CST7: variants seen among roughly 807,000 people sequenced by gnomAD.
The protein encoded by CST7 is cystatin-F.
Under a neutral mutation model 13.1 loss-of-function variants are expected in CST7, and 15 were observed. That is an observed-to-expected ratio of 1.14 (90% CI 0.77 to 1.76). The LOEUF (loss-of-function observed/expected upper bound fraction) is 1.76. Ranked by LOEUF, CST7 falls within the 40% of genes most tolerant of loss-of-function variation. The pLI is 0.00. For missense variants in CST7, 193 were observed against 178.8 expected, an observed-to-expected ratio of 1.08 and a Z score of -0.45; for synonymous variants, 75 against 66.9, an observed-to-expected ratio of 1.12 and a Z score of -0.59.
chr20:24,952,193 T>C (rs748176415), intron 1 of CST7, among the ~76,000 whole-genome samples: 2 of 152,254 alleles, frequency 1.3e-5, no homozygotes, highest in Non-Finnish European at 2.9e-5. Flanking sequence ...CATCATTTAT[T>C]GACAAGTGCT....
chr20:24,949,895 G>A (rs76897221), intron 1 of CST7, among the ~76,000 whole-genome samples: 2,844 of 152,320 alleles, frequency 0.019, 38 homozygotes, highest in Non-Finnish European at 0.025. Flanking sequence ...GCTCCTCTGC[G>A]GGACGGAGGC....
intron 3 of CST7, among the ~76,000 whole-genome samples, chr20:24,959,255 C>T (rs770978676): frequency 6.6e-6 from 1 of 152,172 alleles, no homozygotes; most frequent in Non-Finnish European, 1.5e-5. Flanking sequence ...GACATCCTCC[C>T]GTCCCAGAGG....
rs368099459 is a variant in CST7, at chr20:24,949,556, C to T, written c.51C>T (p.Thr17=). Reference sequence around the variant, plus strand: ...CCTTCTGCTGCCTGGTCTTGAGCACCACTGGGGGCCCTTCCCCAGGTAAGT... The same window carrying T: ...CCTTCTGCTGCCTGGTCTTGAGCACTACTGGGGGCCCTTCCCCAGGTAAGT... ...LLAFCCLVLS[T]TGGPSPDTCS... The change falls in exon 1 of 4, where the codon ACC becomes ACT. Residue 17 remains threonine (T), a synonymous_variant. Coordinates refer to ENST00000480798, the MANE Select transcript of CST7 (RefSeq NM_003650.4). 4.0e-5 allele frequency: 65 copies of T among 1,614,016 alleles called. No individual in the cohort carries two copies. Among genetic ancestry groups the T allele is most frequent in the East Asian group, 1.6e-4 (7 of 44,894 alleles).
chr20:24,959,025 C>T lies in CST7; in HGVS notation c.341C>T (p.Thr114Ile). 3 of 1,613,758 alleles carry T rather than the reference C, an allele frequency of 1.9e-6. No homozygotes were observed. Among genetic ancestry groups the T allele is most frequent in the East Asian group, 2.2e-5 (1 of 44,880 alleles). ...CGTCTGGATGACTGTGACTTCCAAA[C>T]CAACCACACCTTGAAGCAGGTAAAG... ...HLRLDDCDFQTNHTLKQTLSC... is the reference protein window; with the variant it reads ...HLRLDDCDFQINHTLKQTLSC... The change falls in exon 3 of 4, where the codon ACC becomes ATC. Residue 114 changes from threonine to isoleucine, a missense_variant. Thr to Ile is a moderately conservative substitution (Grantham distance 89, BLOSUM62 -1). Coordinates refer to ENST00000480798, the MANE Select transcript of CST7 (RefSeq NM_003650.4).
intron 1 of CST7, among the ~76,000 whole-genome samples, chr20:24,956,141 C>T (rs1317144147): frequency 6.6e-6 from 1 of 152,226 alleles, no homozygotes; most frequent in East Asian, 1.9e-4. Flanking sequence ...CGCTGCACCA[C>T]CCAGCCTGGG....
intron 1 of CST7, among the ~76,000 whole-genome samples, chr20:24,956,497 G>C (rs2087855311): frequency 6.6e-6 from 1 of 152,204 alleles, no homozygotes; most frequent in South Asian, 2.1e-4. Context: ...CCCCGATGCT[G>C]CTTCCCCATC....
chr20:24,955,662 G>T (rs947539963), intron 1 of CST7, among the ~76,000 whole-genome samples: 1 of 152,150 alleles, frequency 6.6e-6, no homozygotes, highest in Admixed American at 6.5e-5. Flanking sequence ...TGTTTGCCAG[G>T]ATGGCCTCGA....
chr20:24,954,773 T>C (rs569034859), intron 1 of CST7, among the ~76,000 whole-genome samples: 1 of 152,336 alleles, frequency 6.6e-6, no homozygotes, highest in South Asian at 2.1e-4. Flanking sequence ...GGAAATTTAT[T>C]TGAAGTTCAG....
At chr20:24,951,200 A>G (rs933221697) in intron 1 of CST7, among the ~76,000 whole-genome samples, 3 of 152,166 alleles carry the variant, frequency 2.0e-5, no homozygotes, top group African/African-American at 7.2e-5. Flanking sequence ...GCCCACGTTC[A>G]CACACACAGA....
At chr20:24,950,440 C>T (rs1240365297) in intron 1 of CST7, among the ~76,000 whole-genome samples, 3 of 152,234 alleles carry the variant, frequency 2.0e-5, no homozygotes, top group African/African-American at 7.2e-5. Context: ...AGGGTTCTCA[C>T]CTCCTCCTGG....
At position 24,957,463 on chromosome 20, in the gene CST7, A is replaced by G. The variant is rs376901152; in HGVS notation, c.243+4A>G. 67 of 1,612,952 alleles carry G rather than the reference A, an allele frequency of 4.2e-5. No homozygotes were observed. Among genetic ancestry groups the G allele is most frequent in the Non-Finnish European group, 5.3e-5 (63 of 1,179,392 alleles). On this transcript the variant is annotated splice_donor_region_variant and intron_variant, in intron 2 of 3. Transcript: ENST00000480798. ...CATCACAAGGGCCCTAGTTCAGGTA[A>G]CGGTCTGGGTTCTGGTCACATATCA...
intron 1 of CST7, among the ~76,000 whole-genome samples, chr20:24,952,881 G>T (rs1414804615): frequency 6.6e-6 from 1 of 152,228 alleles, no homozygotes; most frequent in Non-Finnish European, 1.5e-5. Context: ...GGCAATGCCA[G>T]CCCCCGCTGT....
intron 1 of CST7, 128 bp from the exon 2 acceptor site, chr20:24,957,159 G>A: frequency 1.1e-6 from 1 of 946,978 alleles, no homozygotes; most frequent in Non-Finnish European, 1.6e-6. Flanking sequence ...GGGAGCAGGT[G>A]AGGGGTGGGT....
chr20:24,955,072 C>A lies in CST7; in HGVS notation c.71-2215C>A, dbSNP rs1051311536. ...AACAACAACAAAAAAAAACGCTAAT[C>A]TGACAGCAAAAATACACTGAACACA... On this transcript the variant is annotated intron_variant, in intron 1 of 3. Transcript: ENST00000480798. 2.0e-5 allele frequency among the ~76,000 whole-genome samples: 3 copies of A among 151,934 alleles called. No homozygotes were observed. In the South Asian group the frequency reaches 6.2e-4, roughly 31 times the overall value.
At chr20:24,959,509 T>C (rs1246569272) in intron 3 of CST7, 126 bp from the exon 4 acceptor site, 4 of 809,168 alleles carry the variant, frequency 4.9e-6, no homozygotes, top group Admixed American at 4.9e-5. Context: ...TTCTGTAGGT[T>C]TGAAATTTTT....
In CST7 at chr20:24,959,716, C is replaced by T. The variant is rs2087884057; in HGVS notation, c.*4C>T. The T allele has an allele frequency of 6.2e-7, 1 of 1,613,788 alleles. No individual in the cohort carries two copies. Among genetic ancestry groups the T allele is most frequent in the African/African-American group, 1.3e-5 (1 of 74,916 alleles). On this transcript the variant is annotated 3_prime_UTR_variant, in exon 4 of 4. Coordinates refer to ENST00000480798, the MANE Select transcript of CST7 (RefSeq NM_003650.4). ...GCCTGTTCTCCGTTGTCACTGACCC[C>T]CGCCTCTTCAGCAAGACCACAGCCA...
rs1295057477 is a variant in CST7 at position 24,949,470 on chromosome 20, C to A, written c.-36C>A. The A allele has an allele frequency of 6.2e-7, 1 of 1,613,996 alleles. No homozygotes were observed. Among genetic ancestry groups the A allele is most frequent in the Non-Finnish European group, 8.5e-7 (1 of 1,179,982 alleles). ...GCCTGAGAAGGCACTGCACGGCCAC[C>A]CCCAACTGCCCCGCACTGTCCCTAC... On this transcript the variant is annotated 5_prime_UTR_variant, in exon 1 of 4. Coordinates refer to ENST00000480798, the MANE Select transcript of CST7 (RefSeq NM_003650.4).
In CST7 at chr20:24,957,395, TCAA is replaced by T. The variant is rs1203971004; in HGVS notation, c.184_186del (p.Asn62del). 1 of 1,613,738 alleles carries T rather than the reference TCAA, an allele frequency of 6.2e-7. No individual in the cohort carries two copies. ...GCAGCCAGATACAGTGTTGAAAAGT[TCAA>T]CAACTGCACGAACGACATGTTCTTG... is the stretch of plus-strand genomic sequence containing the variant. On this transcript the variant is annotated inframe_deletion, in exon 2 of 4. Transcript: ENST00000480798.
At chr20:24,950,613 C>T (rs2087813095) in intron 1 of CST7, among the ~76,000 whole-genome samples, 1 of 152,174 alleles carries the variant, frequency 6.6e-6, no homozygotes, top group Non-Finnish European at 1.5e-5. Flanking sequence ...ATGCCACCGC[C>T]ACCAGCTCTG....
Sources: allele counts gnomAD v4.1 joint callset (sites outside exome capture counted in the v4.1 genomes callset), GRCh38; gene constraint gnomAD v4.1.1; transcripts MANE v1.5; gene names NCBI Gene and HGNC (gene_info 2026-07-23, HGNC 2026-07-21).